The following VPS26C variants were observed in gnomAD, a reference collection of about 807,000 sequenced individuals.
VPS26C encodes the protein VPS26 endosomal protein sorting factor C, also known as vacuolar protein sorting-associated protein 26C.
VPS26C carries 19 observed loss-of-function variants against 30.6 expected under a neutral mutation model. The ratio of observed to expected loss-of-function variants is 0.62; its 90% CI spans 0.43 to 0.91. The LOEUF is 0.91. VPS26C is among the 40% of genes least tolerant of loss of function. The probability of loss-of-function intolerance (pLI) is 0.00; values close to 1 mark genes in which losing one functional copy is unlikely to be tolerated. For missense variants in VPS26C, 318 were observed against 385.1 expected, an observed-to-expected ratio of 0.83 and a Z score of 1.46; for synonymous variants, 132 against 151.5, an observed-to-expected ratio of 0.87 and a Z score of 0.95.
At chr21:37,247,343 A>C (rs2086147744) in intron 1 of VPS26C, among the ~76,000 whole-genome samples, 1 of 152,226 alleles carries the variant, frequency 6.6e-6, no homozygotes. Context: ...AGTAGCGGGA[A>C]GAAAGGGAAA....
At position 37,227,824 on chromosome 21, in the gene VPS26C, C is replaced by A; in HGVS notation, c.659-18G>T. The A allele has an allele frequency of 1.2e-6, 2 of 1,601,188 alleles. No homozygotes were observed. Among genetic ancestry groups the A allele is most frequent in the Non-Finnish European group, 1.7e-6 (2 of 1,177,062 alleles). ...TGCACACCCTGCGGGAGGGAGGCCACATCACGCGGTCAGGGCCAGCAGAGG... is the reference window on the plus strand; with the variant it reads ...TGCACACCCTGCGGGAGGGAGGCCAAATCACGCGGTCAGGGCCAGCAGAGG... On this transcript the variant is annotated intron_variant, in intron 6 of 7. Coordinates refer to ENST00000309117, the MANE Select transcript of VPS26C (RefSeq NM_006052.2).
In VPS26C at chr21:37,233,879, T is replaced by C. The variant is rs942146326; in HGVS notation, c.352-437A>G. Among the ~76,000 whole-genome samples the C allele has an allele frequency of 2.6e-5, 4 of 152,342 alleles. No individual in the cohort carries two copies. The South Asian group carries it at 8.3e-4, about 32-fold the overall frequency. On this transcript the variant is annotated intron_variant, in intron 3 of 7. Transcript: ENST00000309117. The surrounding 1 kb of genome is among the most constrained non-coding windows in gnomAD (Gnocchi z 5.2). ...GCTTCCCTTCTGTAGAATGGGGCTC[T>C]TAAGACCCACCTGCAGCGAGACTCC...
chr21:37,260,054 G>A (rs2086288639), intron 1 of VPS26C, among the ~76,000 whole-genome samples: 1 of 152,114 alleles, frequency 6.6e-6, no homozygotes, highest in Non-Finnish European at 1.5e-5. Flanking sequence ...TGAGAATTAA[G>A]ACCCAGAGAA....
Position 37,225,565 on chromosome 21 carries a change from C to T in VPS26C, c.873G>A (p.Pro291=), listed in dbSNP as rs760112237. ...HPDHLITENF[P]LKLCRI ...CGGGCTATATCCTGCAGAGCTTCAG[C>T]GGGAAGTTCTCCGTGATGAGGTGGT... Residue 291 remains proline (P), a synonymous_variant, in exon 8 of 8, where the codon CCG becomes CCA. Transcript: ENST00000309117. 9.3e-6 allele frequency: 15 copies of T among 1,614,050 alleles called. No individual in the cohort carries two copies. Among genetic ancestry groups the T allele is most frequent in the East Asian group, 2.2e-5 (1 of 44,890 alleles).
intron 1 of VPS26C, among the ~76,000 whole-genome samples, chr21:37,248,212 T>G (rs2086156445): frequency 6.6e-6 from 1 of 151,976 alleles, no homozygotes. Flanking sequence ...CAGGGTATAA[T>G]GAACTGGCAT....
At chr21:37,255,574 G>C (rs2086233652) in intron 1 of VPS26C, among the ~76,000 whole-genome samples, 1 of 152,138 alleles carries the variant, frequency 6.6e-6, no homozygotes, top group African/African-American at 2.4e-5. Flanking sequence ...GGTCAGGACA[G>C]CTTGTTCCTA....
intron 1 of VPS26C, chr21:37,261,216 A>C (rs1036826289): frequency 2.0e-5 from 3 of 152,242 alleles, no homozygotes; most frequent in Non-Finnish European, 4.4e-5. Flanking sequence ...AATTACAGAA[A>C]ACATTCCCAT....
rs144011123 is a variant in VPS26C at position 37,266,863 on chromosome 21, A to T, written c.57+375T>A. The T allele has an allele frequency of 2.0e-5, 7 of 341,904 alleles. No individual in the cohort carries two copies. The East Asian group carries it at 5.9e-4, about 29-fold the overall frequency. The allele number at this position is 341,904 out of a possible 1,614,324, so 21.2% of individuals were successfully genotyped here. ...TTGCGGTCACCTTAGGAGAGAGGGA[A>T]AGGGGAGTTTGGTCGTCAACTCCTC... On this transcript the variant is annotated intron_variant, in intron 1 of 7. Transcript: ENST00000309117.
intron 1 of VPS26C, among the ~76,000 whole-genome samples, chr21:37,263,915 C>T (rs563485483): frequency 2.0e-5 from 3 of 152,146 alleles, no homozygotes; most frequent in South Asian, 2.1e-4. Context: ...AGAGAAGGGC[C>T]GCTTCTCCCA....
At chr21:37,263,123 A>T (rs2086322368) in intron 1 of VPS26C, among the ~76,000 whole-genome samples, 1 of 152,124 alleles carries the variant, frequency 6.6e-6, no homozygotes, top group African/African-American at 2.4e-5. Flanking sequence ...TTTTTAAAAA[A>T]TCATTTTGTC....
chr21:37,242,795 T>C (rs2086100855), intron 1 of VPS26C, among the ~76,000 whole-genome samples: 1 of 152,182 alleles, frequency 6.6e-6, no homozygotes, highest in Non-Finnish European at 1.5e-5. Context: ...GATGGGCATA[T>C]TCTAACTATG....
chr21:37,224,191 G>A lies in VPS26C; in HGVS notation c.*1353C>T, dbSNP rs2085875840. 1 of 152,186 alleles carries A rather than the reference G, an allele frequency of 6.6e-6. No homozygotes were observed. Among genetic ancestry groups the A allele is most frequent in the South Asian group, 2.1e-4 (1 of 4,834 alleles). The allele number at this position is 152,186 out of a possible 1,614,324, so 9.4% of individuals were successfully genotyped here. ...TTCAGAACCTACCCAGTAACAACAG[G>A]AGCAAACATACATGTTTTCCCCTCA... On this transcript the variant is annotated 3_prime_UTR_variant, in exon 8 of 8. Transcript: ENST00000309117.
intron 1 of VPS26C, among the ~76,000 whole-genome samples, chr21:37,255,235 T>A (rs1192514848): frequency 6.6e-6 from 1 of 152,206 alleles, no homozygotes; most frequent in East Asian, 1.9e-4. Context: ...TAATTTTCCA[T>A]TGACAGGACT....
intron 1 of VPS26C, among the ~76,000 whole-genome samples, chr21:37,254,712 G>A (rs138924066): frequency 0.023 from 3,447 of 152,192 alleles, 130 homozygotes; most frequent in African/African-American, 0.078. Context: ...TTGGGAGGCT[G>A]CGGCAGGAGA....
chr21:37,227,522 T>C (rs949880839), intron 7 of VPS26C, 132 bp downstream of exon 7: 2 of 1,027,368 alleles, frequency 1.9e-6, no homozygotes, highest in South Asian at 1.5e-5. Flanking sequence ...CTGAGCTGTA[T>C]GGCCTGTGGC....
intron 1 of VPS26C, among the ~76,000 whole-genome samples, chr21:37,266,231 G>A (rs541024856): frequency 6.6e-6 from 1 of 152,176 alleles, no homozygotes; most frequent in African/African-American, 2.4e-5. Flanking sequence ...TTTTCCCTTT[G>A]TAATTAACCA....
intron 1 of VPS26C, among the ~76,000 whole-genome samples, chr21:37,246,198 G>T (rs951974345): frequency 6.6e-6 from 1 of 152,052 alleles, no homozygotes. Context: ...TAGCAAAAGT[G>T]TTCTCATTCA....
intron 1 of VPS26C, 36 bp downstream of exon 1, chr21:37,267,202 A>AACCCCCC: frequency 4.0e-6 from 4 of 998,916 alleles, no homozygotes; most frequent in African/African-American, 1.6e-5. Flanking sequence ...GACCCGCCCA[A>AACCCCCC]CCCCACCTCC....
intron 3 of VPS26C, among the ~76,000 whole-genome samples, chr21:37,235,864 TATATATA>T (rs1187216565): frequency 2.1e-4 from 22 of 103,058 alleles, no homozygotes; most frequent in African/African-American, 7.7e-4. Flanking sequence ...TATATATATA[TATATATA>T]TATATATATT....
Sources: gnomAD v4.1 joint callset for allele counts (sites outside exome capture counted in the v4.1 genomes callset) on GRCh38, gnomAD v4.1.1 for gene constraint, Gnocchi (gnomAD v3.1) non-coding constraint, MANE v1.5 for transcripts, NCBI Gene and HGNC (gene_info 2026-07-23, HGNC 2026-07-21) for gene names.